Variants in DCAF6 observed in about 807,000 individuals in gnomAD.
DCAF6 encodes DDB1 and CUL4 associated factor 6, also known as DDB1- and CUL4-associated factor 6.
Under a neutral mutation model 125.1 loss-of-function variants are expected in DCAF6, and 54 were observed. The observed-to-expected ratio is 0.43, with a 90% CI of 0.35 to 0.54. DCAF6 has a LOEUF of 0.54. Among genes scored for constraint, DCAF6 ranks in the 20% least tolerant of loss-of-function variants. DCAF6 has a pLI of 0.01. For missense variants in DCAF6, 934 were observed against 1,161.7 expected, an observed-to-expected ratio of 0.80 and a Z score of 2.85; for synonymous variants, 371 against 390.4, an observed-to-expected ratio of 0.95 and a Z score of 0.58.
At chr1:168,033,031 A>G (rs997705129) in intron 12 of DCAF6, among the ~76,000 whole-genome samples, 1 of 151,966 alleles carries the variant, frequency 6.6e-6, no homozygotes, top group Non-Finnish European at 1.5e-5. Context: ...TACTATGGTT[A>G]TCACATGTGT....
intron 10 of DCAF6, among the ~76,000 whole-genome samples, chr1:168,006,273 T>TA (rs148037823): frequency 0.03 from 4,556 of 152,238 alleles, 228 homozygotes; most frequent in African/African-American, 0.1. Context: ...TCATTTGAAT[T>TA]ATTGAAGAAG....
intron 19 of DCAF6, 49 bp from the exon 20 acceptor site, chr1:168,066,328 G>A: frequency 7.9e-7 from 1 of 1,262,806 alleles, no homozygotes. Flanking sequence ...AGCATATCCT[G>A]AATTGCATGT....
At chr1:168,049,994 G>C (rs779258249) in intron 16 of DCAF6, among the ~76,000 whole-genome samples, 1 of 145,168 alleles carries the variant, frequency 6.9e-6, no homozygotes, top group Admixed American at 6.9e-5. Flanking sequence ...CAAATCTGTT[G>C]TAAGTGATTT....
intron 12 of DCAF6, among the ~76,000 whole-genome samples, chr1:168,030,480 A>G (rs969285233): frequency 1.5e-4 from 23 of 152,224 alleles, no homozygotes; most frequent in African/African-American, 5.3e-4. Flanking sequence ...GAGTATGGCT[A>G]TGGCCTGATA....
At chr1:167,979,689 C>A (rs1379121938) in intron 4 of DCAF6, among the ~76,000 whole-genome samples, 1 of 151,704 alleles carries the variant, frequency 6.6e-6, no homozygotes, top group Non-Finnish European at 1.5e-5. Context: ...GAGTTCAAGA[C>A]CAGCCTGTAC....
chr1:168,041,892 G>GCACA lies in DCAF6; in HGVS notation c.1728-1132_1728-1131insACAC, dbSNP rs756614679. ...GGTTTAAAAGAAATACATGTTTGTC[G>GCACA]CGCACACACACACACACACACACAC... On this transcript the variant is annotated intron_variant, in intron 13 of 21. Coordinates refer to ENST00000367840, the MANE Select transcript of DCAF6 (RefSeq NM_001198956.2). Among the ~76,000 whole-genome samples the GCACA allele has an allele frequency of 4.2e-3, 509 of 119,832 alleles. 6 individuals carry two copies. The highest frequency in any genetic ancestry group is 7.9e-3 in the East Asian group (31 of 3,920). 78.6% of individuals were successfully genotyped at this position (119,832 alleles called of 152,430 possible). A position where few individuals can be genotyped will look rare whatever the true frequency, so the allele number is the denominator to read the frequency against.
At chr1:167,872,365 CTT>C in the DCAF6 span, among the ~76,000 whole-genome samples, 1 of 129,006 alleles carries the variant, frequency 7.8e-6, no homozygotes, top group African/African-American at 3.0e-5. Flanking sequence ...CCTAAGGAAG[CTT>C]AAAAAAAAAA....
chr1:167,919,645 A>G, the DCAF6 span, among the ~76,000 whole-genome samples: 1 of 152,184 alleles, frequency 6.6e-6, no homozygotes, highest in African/African-American at 2.4e-5. Context: ...CATAAACTGT[A>G]TATGTTGTCT....
chr1:167,997,134 C>T (rs951570108), intron 7 of DCAF6, among the ~76,000 whole-genome samples: 4 of 152,056 alleles, frequency 2.6e-5, no homozygotes, highest in Admixed American at 6.6e-5. Flanking sequence ...GTGAATGAAA[C>T]GCCATTTTCA....
chr1:167,926,975 A>G, the DCAF6 span, among the ~76,000 whole-genome samples: 5 of 152,220 alleles, frequency 3.3e-5, no homozygotes, highest in African/African-American at 1.2e-4. Context: ...ATATTCTTCT[A>G]TCATTTTCTG....
chr1:167,950,370 T>G (rs1392641321), intron 1 of DCAF6, among the ~76,000 whole-genome samples: 2 of 152,200 alleles, frequency 1.3e-5, no homozygotes, highest in Non-Finnish European at 2.9e-5. Flanking sequence ...GAAAAGTTAA[T>G]TACCTGAAGT....
intron 1 of DCAF6, among the ~76,000 whole-genome samples, chr1:167,949,847 T>C (rs1043378499): frequency 6.6e-6 from 1 of 152,134 alleles, no homozygotes; most frequent in Non-Finnish European, 1.5e-5. Flanking sequence ...TTGTGGTGGG[T>C]TTTTGCTTCT....
chr1:168,033,459 G>A (rs915449653), intron 12 of DCAF6, among the ~76,000 whole-genome samples: 9 of 151,966 alleles, frequency 5.9e-5, no homozygotes, highest in African/African-American at 2.2e-4. Flanking sequence ...GGGACTACAG[G>A]CGCCCGCCAC....
At chr1:168,072,327 A>T (rs1341657248) in intron 21 of DCAF6, among the ~76,000 whole-genome samples, 1 of 98,350 alleles carries the variant, frequency 1.0e-5, no homozygotes, top group Non-Finnish European at 2.3e-5. Flanking sequence ...AAAAAAAAAG[A>T]AAAGAAAAGT....
At chr1:167,883,723 T>G in the DCAF6 span, 41 of 1,158,148 alleles carry the variant, frequency 3.5e-5, no homozygotes, top group South Asian at 3.4e-4. Flanking sequence ...ATCTAGGGAA[T>G]GTCTACCTCA....
At chr1:168,034,118 A>G (rs1260136482) in intron 12 of DCAF6, among the ~76,000 whole-genome samples, 1 of 152,242 alleles carries the variant, frequency 6.6e-6, no homozygotes, top group East Asian at 1.9e-4. Flanking sequence ...AACATCAACA[A>G]TTGATATTTC....
Position 168,037,087 on chromosome 1 carries a change from A to G in DCAF6, c.1610-1284A>G, listed in dbSNP as rs185202961. Among the ~76,000 whole-genome samples the G allele has an allele frequency of 3.2e-3, 475 of 147,358 alleles. 12 individuals carry two copies. Among genetic ancestry groups the G allele is most frequent in the Non-Finnish European group, 2.6e-3 (178 of 67,336 alleles). ...GAATAAAGGCTAGAAGAGAGGTTCT[A>G]TGAGATTCTCCCCCCCCTTTTTTTT... On this transcript the variant is annotated intron_variant, in intron 12 of 21. Coordinates refer to ENST00000367840, the MANE Select transcript of DCAF6 (RefSeq NM_001198956.2).
At chr1:167,869,202 T>C in the DCAF6 span, among the ~76,000 whole-genome samples, 1 of 152,194 alleles carries the variant, frequency 6.6e-6, no homozygotes, top group Non-Finnish European at 1.5e-5. Context: ...AAAACTCTTA[T>C]ATAGGAGTTA....
intron 2 of DCAF6, among the ~76,000 whole-genome samples, chr1:167,956,108 T>C (rs946414282): frequency 6.6e-6 from 1 of 152,210 alleles, no homozygotes; most frequent in South Asian, 2.1e-4. Flanking sequence ...TCATCAGTTT[T>C]TTCATGGATG....
Sources: allele counts gnomAD v4.1 joint callset (sites outside exome capture counted in the v4.1 genomes callset), GRCh38; gene constraint gnomAD v4.1.1; transcripts MANE v1.5; gene names NCBI Gene and HGNC (gene_info 2026-07-23, HGNC 2026-07-21).